The following DCLK1 variants were observed in gnomAD, a reference collection of about 807,000 sequenced individuals.
DCLK1 encodes doublecortin like kinase 1.
In DCLK1, 16 loss-of-function variants were observed where a neutral mutation model predicts 86.2. The ratio of observed to expected loss-of-function variants is 0.19; its 90% CI spans 0.13 to 0.28. The LOEUF (loss-of-function observed/expected upper bound fraction) is 0.28, where lower values mean the gene tolerates loss of function less well. Ranked by LOEUF, DCLK1 falls within the 10% of genes least tolerant of loss-of-function variation. The probability of loss-of-function intolerance (pLI) is 1.00; values close to 1 mark genes in which losing one functional copy is unlikely to be tolerated. For synonymous variants in DCLK1, 369 were observed against 370.5 expected (o/e 1.00, Z 0.05); for missense variants, 590 against 940.2 (o/e 0.63, Z 4.87).
rs1198268229 is a variant in DCLK1, at chr13:35,774,032, T to C, written c.*503A>G. 6.5e-6 allele frequency: 1 copy of C among 153,122 alleles called. No individual in the cohort carries two copies. Among genetic ancestry groups the C allele is most frequent in the East Asian group, 1.9e-4 (1 of 5,200 alleles). The allele number at this position is 153,122 out of a possible 1,614,324, so 9.5% of individuals were successfully genotyped here. A position where few individuals can be genotyped will look rare whatever the true frequency, so the allele number is the denominator to read the frequency against. On this transcript the variant is annotated 3_prime_UTR_variant, in exon 17 of 17. Coordinates refer to ENST00000360631, the MANE Select transcript of DCLK1 (RefSeq NM_001330071.2). The stretch of plus-strand genomic sequence containing the variant: ...TGTCGAAGTTATAAACCTGCCACGT[T>C]CTAAACCCACAGAAAAGGACAAACA...
chr13:35,951,691 C>G (rs1877702907), intron 3 of DCLK1, among the ~76,000 whole-genome samples: 1 of 151,910 alleles, frequency 6.6e-6, no homozygotes, highest in African/African-American at 2.4e-5. Context: ...ACTTATGATC[C>G]AAATAATTCC....
rs914284545 is a variant in DCLK1, at chr13:36,088,245, G to T, written c.723+23624C>A. Among the ~76,000 whole-genome samples the T allele has an allele frequency of 2.6e-5, 4 of 152,308 alleles. No homozygotes were observed. The East Asian group carries it at 7.7e-4, about 29-fold the overall frequency. On this transcript the variant is annotated intron_variant, in intron 3 of 16. Transcript: ENST00000360631. ...TTTCAGATGAGGTGTGGCTGGTGCTGCAGACCATATCCTTTGAGGAAAACT... is the reference window on the plus strand; with the variant it reads ...TTTCAGATGAGGTGTGGCTGGTGCTTCAGACCATATCCTTTGAGGAAAACT...
At chr13:35,970,555 T>C (rs546401591) in intron 3 of DCLK1, among the ~76,000 whole-genome samples, 1 of 152,282 alleles carries the variant, frequency 6.6e-6, no homozygotes, top group Non-Finnish European at 1.5e-5. Flanking sequence ...AAAAGGACTA[T>C]TGGCGGTGGG....
At chr13:35,803,710 T>C (rs1052077689) in intron 15 of DCLK1, among the ~76,000 whole-genome samples, 5 of 152,220 alleles carry the variant, frequency 3.3e-5, no homozygotes, top group African/African-American at 1.2e-4. Context: ...AAGCTTTTGT[T>C]GTTTTGGAAA....
chr13:35,988,549 T>G lies in DCLK1; in HGVS notation c.724-41092A>C, dbSNP rs191509252. On this transcript the variant is annotated intron_variant, in intron 3 of 16. Transcript: ENST00000360631. ...TTACAGCTTAATATTTATTATACCA[T>G]TTATGATCTATTTTTCTAAAAGTCC... Among the ~76,000 whole-genome samples, 9 of 152,320 alleles carry G rather than the reference T, an allele frequency of 5.9e-5. No homozygotes were observed. The East Asian group carries it at 1.7e-3, about 29-fold the overall frequency.
chr13:35,826,246 G>A (rs1449841723), intron 10 of DCLK1, among the ~76,000 whole-genome samples: 3 of 151,774 alleles, frequency 2.0e-5, no homozygotes, highest in South Asian at 2.1e-4. Context: ...AAGTCTGGCC[G>A]GGCACGGTGG....
rs1882389699 is a variant in DCLK1, at chr13:36,033,917, C to T, written c.723+77952G>A. Among the ~76,000 whole-genome samples the T allele has an allele frequency of 3.3e-5, 5 of 152,190 alleles. No individual in the cohort carries two copies. The South Asian group carries it at 1.0e-3, about 32-fold the overall frequency. ...TCCAGCCTGGGCAACAAAAGCAAAA[C>T]CTTTATCATATATGAAGCATTTTGC... is the stretch of plus-strand genomic sequence containing the variant. On this transcript the variant is annotated intron_variant, in intron 3 of 16. Transcript: ENST00000360631.
chr13:36,037,589 T>C (rs997781785), intron 3 of DCLK1, among the ~76,000 whole-genome samples: 2 of 152,054 alleles, frequency 1.3e-5, no homozygotes, highest in African/African-American at 4.8e-5. Context: ...GTTCAAGCGA[T>C]TCTCGTGCCT....
chr13:36,100,789 T>TA (rs1885189439), intron 3 of DCLK1, among the ~76,000 whole-genome samples: 1 of 152,144 alleles, frequency 6.6e-6, no homozygotes, highest in Non-Finnish European at 1.5e-5. Flanking sequence ...GGCTGTGTTA[T>TA]AAGAAAATCA....
In DCLK1 at chr13:36,064,399, G is replaced by A. The variant is rs1227409238; in HGVS notation, c.723+47470C>T. ...GGGTGGCGTGGGCGTGGCGGCTCAT[G>A]CCTGTAATCCCAGTACTTTGGGAGG... On this transcript the variant is annotated intron_variant, in intron 3 of 16. Transcript: ENST00000360631. Among the ~76,000 whole-genome samples, 6 of 152,200 alleles carry A rather than the reference G, an allele frequency of 3.9e-5. No homozygotes were observed. The East Asian group carries it at 7.7e-4, about 20-fold the overall frequency.
intron 16 of DCLK1, among the ~76,000 whole-genome samples, chr13:35,787,529 C>T (rs1039055423): frequency 1.3e-5 from 2 of 152,080 alleles, no homozygotes; most frequent in Non-Finnish European, 2.9e-5. Context: ...ATCGATACCT[C>T]CCATAATCCC....
chr13:35,901,434 G>C (rs892306892), intron 4 of DCLK1, among the ~76,000 whole-genome samples: 3 of 136,706 alleles, frequency 2.2e-5, no homozygotes, highest in African/African-American at 8.1e-5. Context: ...AGGTTGCAGC[G>C]AGCTGGGATT....
At chr13:36,011,856 G>C (rs562684936) in intron 3 of DCLK1, among the ~76,000 whole-genome samples, 1 of 149,800 alleles carries the variant, frequency 6.7e-6, no homozygotes, top group Non-Finnish European at 1.5e-5. Context: ...TAATGTGTAG[G>C]AGTCTAAGTC....
chr13:35,912,037 T>C (rs1196836233), intron 4 of DCLK1, among the ~76,000 whole-genome samples: 1 of 152,046 alleles, frequency 6.6e-6, no homozygotes, highest in African/African-American at 2.4e-5. Flanking sequence ...GGGGTGGCTG[T>C]GAGAATTAAA....
At position 35,793,504 on chromosome 13, in the gene DCLK1, G is replaced by A. The variant is rs1926459; in HGVS notation, c.1945-25C>T. ...CCTGGAGAAAAAGAAATAAAGAGAA[G>A]AGAAAAAGAAAGAAAATGAGATAAA... On this transcript the variant is annotated intron_variant, in intron 15 of 16. Coordinates refer to ENST00000360631, the MANE Select transcript of DCLK1 (RefSeq NM_001330071.2). 5 of 1,547,724 alleles carry A rather than the reference G, an allele frequency of 3.2e-6. No individual in the cohort carries two copies. The Admixed American group carries it at 5.7e-5, about 18-fold the overall frequency.
chr13:36,082,101 T>A (rs536140293), intron 3 of DCLK1, among the ~76,000 whole-genome samples: 3 of 152,232 alleles, frequency 2.0e-5, no homozygotes, highest in Admixed American at 1.3e-4. Context: ...ATACGCAGAT[T>A]TTTTTCAATA....
intron 4 of DCLK1, among the ~76,000 whole-genome samples, chr13:35,895,472 T>A (rs953659846): frequency 6.6e-6 from 1 of 152,208 alleles, no homozygotes. Context: ...CATGTAGGTA[T>A]ATTTTTCTAC....
rs192009658 is a variant in DCLK1 at position 35,993,277 on chromosome 13, C to T, written c.724-45820G>A. On this transcript the variant is annotated intron_variant, in intron 3 of 16. Coordinates refer to ENST00000360631, the MANE Select transcript of DCLK1 (RefSeq NM_001330071.2). ...TCGATCAATCACCTCTCCTACATGACGCTCCAGCAACAAGTAACCTCAAAA... is the reference window on the plus strand; with the variant it reads ...TCGATCAATCACCTCTCCTACATGATGCTCCAGCAACAAGTAACCTCAAAA... Among the ~76,000 whole-genome samples, 8 of 152,328 alleles carry T rather than the reference C, an allele frequency of 5.3e-5. No individual in the cohort carries two copies. In the South Asian group the frequency reaches 8.3e-4, roughly 16 times the overall value.
chr13:36,100,998 G>A (rs1369018218), intron 3 of DCLK1, among the ~76,000 whole-genome samples: 6 of 152,154 alleles, frequency 3.9e-5, no homozygotes, highest in African/African-American at 9.6e-5. Flanking sequence ...ACATCTTTCC[G>A]GGCATCGTCC....
Sources: allele counts gnomAD v4.1 joint callset (sites outside exome capture counted in the v4.1 genomes callset), GRCh38; gene constraint gnomAD v4.1.1; transcripts MANE v1.5; gene names NCBI Gene and HGNC (gene_info 2026-07-23, HGNC 2026-07-21).